The following SHISA9 variants were observed in gnomAD, a reference collection of about 807,000 sequenced individuals.
The protein encoded by SHISA9 is shisa family member 9, also known as protein shisa-9.
SHISA9 carries 13 observed loss-of-function variants against 38.0 expected under a neutral mutation model. The ratio of observed to expected loss-of-function variants is 0.34; its 90% CI spans 0.22 to 0.54. SHISA9 has a LOEUF of 0.54. SHISA9 is among the 20% of genes least tolerant of loss of function. The pLI, the probability that SHISA9 is intolerant of heterozygous loss-of-function variation, is 0.91. For synonymous variants in SHISA9, 275 were observed against 242.0 expected (o/e 1.14, Z -1.27); for missense variants, 538 against 575.8 (o/e 0.93, Z 0.67).
At chr16:13,107,960 A>G (rs1433970308) in intron 2 of SHISA9, among the ~76,000 whole-genome samples, 1 of 152,118 alleles carries the variant, frequency 6.6e-6, no homozygotes, top group Non-Finnish European at 1.5e-5. Context: ...AGTTTGATTT[A>G]TTTTTAAAGG....
the SHISA9 span, among the ~76,000 whole-genome samples, chr16:13,275,071 G>A: frequency 1.3e-5 from 2 of 152,132 alleles, no homozygotes; most frequent in African/African-American, 4.8e-5. Context: ...AGACATTTGA[G>A]TGCAGCTCTA....
the SHISA9 span, among the ~76,000 whole-genome samples, chr16:13,417,862 G>A: frequency 6.6e-6 from 1 of 152,178 alleles, no homozygotes; most frequent in African/African-American, 2.4e-5. Flanking sequence ...CTCGAATGCT[G>A]GCATCAAACA....
At chr16:13,127,949 G>A (rs1471081803) in intron 2 of SHISA9, among the ~76,000 whole-genome samples, 4 of 152,172 alleles carry the variant, frequency 2.6e-5, no homozygotes, top group East Asian at 3.8e-4. Flanking sequence ...TAAGCACTGC[G>A]ATTGTTCAAT....
At chr16:13,108,856 G>A (rs961728645) in intron 2 of SHISA9, among the ~76,000 whole-genome samples, 14 of 152,220 alleles carry the variant, frequency 9.2e-5, no homozygotes, top group Non-Finnish European at 1.3e-4. Flanking sequence ...AGTATCCCTA[G>A]GTATGGTCAA....
the SHISA9 span, among the ~76,000 whole-genome samples, chr16:13,394,433 A>G: frequency 5.3e-5 from 8 of 152,018 alleles, no homozygotes; most frequent in Non-Finnish European, 7.4e-5. Flanking sequence ...GGACCTTTCT[A>G]TTTGCTCAGT....
chr16:12,934,831 G>T (rs553308198), intron 2 of SHISA9, among the ~76,000 whole-genome samples: 1 of 152,188 alleles, frequency 6.6e-6, no homozygotes, highest in East Asian at 1.9e-4. Context: ...GGAAATTTTG[G>T]TTACAAGCAA....
At chr16:13,053,244 T>G (rs1290886022) in intron 2 of SHISA9, among the ~76,000 whole-genome samples, 1 of 151,158 alleles carries the variant, frequency 6.6e-6, no homozygotes, top group East Asian at 1.9e-4. Context: ...ATTACAGGTG[T>G]GAACCATCGC....
At chr16:12,904,114 C>G (rs2071060906) in intron 1 of SHISA9, among the ~76,000 whole-genome samples, 1 of 152,102 alleles carries the variant, frequency 6.6e-6, no homozygotes, top group African/African-American at 2.4e-5. Flanking sequence ...TGGCCCCGCC[C>G]ACCTTCCGCA....
chr16:13,235,554 C>T lies in SHISA9; in HGVS notation c.*145C>T. The T allele has an allele frequency of 9.4e-7, 1 of 1,059,600 alleles. No individual in the cohort carries two copies. Among genetic ancestry groups the T allele is most frequent in the Non-Finnish European group, 1.3e-6 (1 of 758,324 alleles). 65.6% of individuals were successfully genotyped at this position (1,059,600 alleles called of 1,614,324 possible). A position where few individuals can be genotyped will look rare whatever the true frequency, so the allele number is the denominator to read the frequency against. On this transcript the variant is annotated 3_prime_UTR_variant, in exon 5 of 5. Transcript: ENST00000558583. Reference sequence around the variant, plus strand: ...GAACCAACTCTAAACCTACTGGGGACACAGAGTCGCGCTTTTCCTAGGTCA... The same window carrying T: ...GAACCAACTCTAAACCTACTGGGGATACAGAGTCGCGCTTTTCCTAGGTCA...
chr16:12,918,828 A>T (rs1250726430), intron 2 of SHISA9, among the ~76,000 whole-genome samples: 1 of 152,160 alleles, frequency 6.6e-6, no homozygotes, highest in East Asian at 1.9e-4. Context: ...AATTGCCCAG[A>T]TATTAATTTT....
chr16:13,499,268 C>T, the SHISA9 span, among the ~76,000 whole-genome samples: 1 of 152,140 alleles, frequency 6.6e-6, no homozygotes, highest in South Asian at 2.1e-4. Flanking sequence ...ATTTTATCAC[C>T]ACCCACCAAA....
At chr16:12,979,376 G>A (rs950109804) in intron 2 of SHISA9, among the ~76,000 whole-genome samples, 9 of 151,440 alleles carry the variant, frequency 5.9e-5, no homozygotes, top group African/African-American at 2.2e-4. Context: ...TACTCCCATC[G>A]TTCCATGCAG....
chr16:13,106,980 C>CTT lies in SHISA9; in HGVS notation c.692-96413_692-96412insTT, dbSNP rs2073931288. On this transcript the variant is annotated intron_variant, in intron 2 of 4. Transcript: ENST00000558583. ...TCTTTCTCACGTTCTCTCTCTCTCT[C>CTT]TCTCTCTCTCTCTCTCTCTCTCTGC... is the stretch of plus-strand genomic sequence containing the variant. Among the ~76,000 whole-genome samples the CTT allele has an allele frequency of 2.2e-5, 3 of 137,402 alleles. No homozygotes were observed. The East Asian group carries it at 6.4e-4, about 30-fold the overall frequency. The allele number at this position is 137,402 out of a possible 152,430, so 90.1% of individuals were successfully genotyped here. A position where few individuals can be genotyped will look rare whatever the true frequency, so the allele number is the denominator to read the frequency against.
chr16:12,916,609 G>A (rs924521778), intron 1 of SHISA9, 79 bp from the exon 2 acceptor site: 8 of 1,457,934 alleles, frequency 5.5e-6, no homozygotes, highest in South Asian at 1.4e-5. Flanking sequence ...CCATTTGTTC[G>A]CGACTGCAGT....
chr16:13,363,481 G>A, the SHISA9 span, among the ~76,000 whole-genome samples: 3 of 152,228 alleles, frequency 2.0e-5, no homozygotes, highest in Admixed American at 1.3e-4. Flanking sequence ...GGAGAGGATG[G>A]TATTAGGATG....
At chr16:13,038,905 A>C (rs1248771683) in intron 2 of SHISA9, among the ~76,000 whole-genome samples, 1 of 152,114 alleles carries the variant, frequency 6.6e-6, no homozygotes, top group Admixed American at 6.6e-5. Flanking sequence ...AATACTAAAG[A>C]ATTCCCAATA....
intron 2 of SHISA9, among the ~76,000 whole-genome samples, chr16:13,097,882 T>C (rs2073843062): frequency 6.6e-6 from 1 of 152,176 alleles, no homozygotes; most frequent in African/African-American, 2.4e-5. Flanking sequence ...ATGGTGAAAA[T>C]CCTGTGATTC....
chr16:13,445,764 C>T, the SHISA9 span, among the ~76,000 whole-genome samples: 18 of 152,118 alleles, frequency 1.2e-4, no homozygotes, highest in Admixed American at 7.2e-4. Flanking sequence ...TGAAGCCAGA[C>T]GACCTAGACT....
At chr16:12,927,027 T>C (rs1209312943) in intron 2 of SHISA9, among the ~76,000 whole-genome samples, 2 of 152,232 alleles carry the variant, frequency 1.3e-5, no homozygotes, top group East Asian at 1.9e-4. Context: ...AGGAGCTGAA[T>C]ACAGATTTTT....
Sources: gnomAD v4.1 joint callset for allele counts (sites outside exome capture counted in the v4.1 genomes callset) on GRCh38, gnomAD v4.1.1 for gene constraint, MANE v1.5 for transcripts, NCBI Gene and HGNC (gene_info 2026-07-23, HGNC 2026-07-21) for gene names.